DGKG: variants seen among roughly 807,000 people sequenced by gnomAD.
DGKG encodes DAG kinase gamma.
Under a neutral mutation model 105.3 loss-of-function variants are expected in DGKG, and 78 were observed. That is an observed-to-expected ratio of 0.74 (90% CI 0.62 to 0.89). The LOEUF (loss-of-function observed/expected upper bound fraction) is 0.89. Among genes scored for constraint, DGKG ranks in the 40% least tolerant of loss-of-function variants. The pLI is 0.00. For synonymous variants in DGKG, 346 were observed against 367.1 expected, an observed-to-expected ratio of 0.94 and a Z score of 0.66; for missense variants, 958 against 1,020.1, an observed-to-expected ratio of 0.94 and a Z score of 0.83.
At chr3:186,161,502 C>G (rs1578604895) in intron 24 of DGKG, 101 bp downstream of exon 24, 2 of 1,578,152 alleles carry the variant, frequency 1.3e-6, no homozygotes, top group East Asian at 4.5e-5. Flanking sequence ...CTTCCACAGT[C>G]CCTGTGACTC....
intron 22 of DGKG, among the ~76,000 whole-genome samples, chr3:186,167,223 T>C (rs1177738796): frequency 1.3e-5 from 2 of 152,072 alleles, no homozygotes; most frequent in African/African-American, 4.8e-5. Context: ...CCATCCTGCC[T>C]TTGAGTTTTC....
intron 24 of DGKG, 73 bp downstream of exon 24, chr3:186,161,530 A>T: frequency 6.2e-7 from 1 of 1,609,082 alleles, no homozygotes; most frequent in Non-Finnish European, 8.5e-7. Context: ...CAGTGATTTC[A>T]TATTAAGTCA....
chr3:186,236,949 C>T (rs1382273028), intron 20 of DGKG, among the ~76,000 whole-genome samples: 1 of 152,236 alleles, frequency 6.6e-6, no homozygotes, highest in South Asian at 2.1e-4. Context: ...TTTCTAGACA[C>T]TCACTGACAG....
chr3:186,228,704 C>T (rs1328196435), intron 20 of DGKG, among the ~76,000 whole-genome samples: 2 of 152,190 alleles, frequency 1.3e-5, no homozygotes, highest in Non-Finnish European at 2.9e-5. Context: ...CTCTCCTTGG[C>T]GAATTTCCAT....
At chr3:186,318,202 A>G (rs1418599876) in intron 2 of DGKG, among the ~76,000 whole-genome samples, 1 of 152,022 alleles carries the variant, frequency 6.6e-6, no homozygotes, top group African/African-American at 2.4e-5. Context: ...CCACACTTTG[A>G]CACACAAGGC....
chr3:186,280,725 T>A lies in DGKG; in HGVS notation c.614A>T (p.Asn205Ile). Reference sequence around the variant, plus strand: ...GTACTGGGCAATATGCAGCATTTGGTTGACAATGCAATCCATCTCCTAGAA... The same window carrying A: ...GTACTGGGCAATATGCAGCATTTGGATGACAATGCAATCCATCTCCTAGAA... ...LDQAEMDCIV[N>I]QMLHIAQYLE... Residue 205 changes from asparagine to isoleucine, a missense_variant, in exon 8 of 25, where the codon AAC becomes ATC. Coordinates refer to ENST00000265022, the MANE Select transcript of DGKG (RefSeq NM_001346.3). 1.9e-6 allele frequency: 3 copies of A among 1,613,946 alleles called. No individual in the cohort carries two copies. Among genetic ancestry groups the A allele is most frequent in the Non-Finnish European group, 2.5e-6 (3 of 1,179,860 alleles).
chr3:186,189,622 G>A (rs565538724), intron 21 of DGKG, among the ~76,000 whole-genome samples: 3 of 152,284 alleles, frequency 2.0e-5, no homozygotes, highest in African/African-American at 4.8e-5. Flanking sequence ...CTGAGGTTAC[G>A]TACAAACCCA....
intron 20 of DGKG, among the ~76,000 whole-genome samples, chr3:186,215,827 C>T (rs1187784837): frequency 6.6e-6 from 1 of 152,098 alleles, no homozygotes; most frequent in Non-Finnish European, 1.5e-5. Context: ...TTCCCAGTGG[C>T]AGTCGTCTTT....
chr3:186,323,305 C>T (rs756318242), intron 1 of DGKG, among the ~76,000 whole-genome samples: 10 of 152,112 alleles, frequency 6.6e-5, no homozygotes, highest in African/African-American at 1.2e-4. Flanking sequence ...CCACTGTCAC[C>T]GCTGCTGCTG....
chr3:186,230,253 G>A (rs1183404044), intron 20 of DGKG, among the ~76,000 whole-genome samples: 20 of 152,210 alleles, frequency 1.3e-4, no homozygotes, highest in African/African-American at 2.9e-4. Context: ...GCGAGACTCC[G>A]TCTCAAAAAC....
chr3:186,255,592 G>A (rs575120157), intron 17 of DGKG, among the ~76,000 whole-genome samples: 127 of 152,338 alleles, frequency 8.3e-4, no homozygotes, highest in African/African-American at 3.0e-3. Context: ...GAGATGGGCC[G>A]GGACCTGAGT....
rs2108594599 is a variant in DGKG, at chr3:186,279,985, A to G, written c.670-12T>C. On this transcript the variant is annotated splice_polypyrimidine_tract_variant and intron_variant, in intron 8 of 24. Transcript: ENST00000265022. Reference sequence around the variant, plus strand: ...ATCTCCTTCAATATCTGTGGAATCCAAAGAGCAATCATTGTCCATTTTCAT... The same window carrying G: ...ATCTCCTTCAATATCTGTGGAATCCGAAGAGCAATCATTGTCCATTTTCAT... 1 of 1,613,590 alleles carries G rather than the reference A, an allele frequency of 6.2e-7. No individual in the cohort carries two copies. The highest frequency in any genetic ancestry group is 1.1e-5 in the South Asian group (1 of 90,980).
intron 1 of DGKG, among the ~76,000 whole-genome samples, chr3:186,324,880 C>T (rs941448717): frequency 9.9e-5 from 15 of 152,218 alleles, no homozygotes; most frequent in Admixed American, 7.2e-4. Flanking sequence ...AAAAAAGACA[C>T]GTGCACTCAT....
chr3:186,292,443 A>G (rs1723351769), intron 5 of DGKG, among the ~76,000 whole-genome samples: 1 of 152,240 alleles, frequency 6.6e-6, no homozygotes, highest in African/African-American at 2.4e-5. Context: ...ATGTTTACCC[A>G]AAGTCTTGAA....
chr3:186,228,085 C>T (rs539452101), intron 20 of DGKG, among the ~76,000 whole-genome samples: 8 of 152,206 alleles, frequency 5.3e-5, no homozygotes, highest in Non-Finnish European at 1.2e-4. Flanking sequence ...CTGAAGGCAT[C>T]TGAAATTGTG....
chr3:186,185,037 A>G (rs1316881670), intron 22 of DGKG, among the ~76,000 whole-genome samples: 1 of 152,186 alleles, frequency 6.6e-6, no homozygotes, highest in East Asian at 1.9e-4. Flanking sequence ...AGACTTGCTT[A>G]TTTTACAGAT....
intron 1 of DGKG, among the ~76,000 whole-genome samples, chr3:186,347,616 C>T (rs748521509): frequency 2.6e-5 from 4 of 151,346 alleles, no homozygotes; most frequent in African/African-American, 4.9e-5. Flanking sequence ...AGAGTCTCAC[C>T]GTGTTGCTCA....
chr3:186,297,062 T>TCACA (rs1491170428), intron 5 of DGKG, among the ~76,000 whole-genome samples: 77 of 26,802 alleles, frequency 2.9e-3, no homozygotes, highest in African/African-American at 5.5e-3. Flanking sequence ...TGTCTGTCTG[T>TCACA]CTCTCTCACA....
chr3:186,312,186 A>G (rs1050598328), intron 2 of DGKG, among the ~76,000 whole-genome samples: 1 of 149,662 alleles, frequency 6.7e-6, no homozygotes, highest in African/African-American at 2.4e-5. Flanking sequence ...GCATTAGACC[A>G]TTAAACTGTT....
Sources: gnomAD v4.1 joint callset for allele counts (sites outside exome capture counted in the v4.1 genomes callset) on GRCh38, gnomAD v4.1.1 for gene constraint, MANE v1.5 for transcripts, NCBI Gene and HGNC (gene_info 2026-07-23, HGNC 2026-07-21) for gene names.